The following SPOCK2 variants were observed in gnomAD, a reference collection of about 807,000 sequenced individuals.
SPOCK2 encodes SPARC (osteonectin), cwcv and kazal like domains proteoglycan 2, also known as testican-2.
A neutral mutation model predicts 60.1 loss-of-function variants in SPOCK2; 39 were observed. The ratio of observed to expected loss-of-function variants is 0.65; its 90% CI spans 0.50 to 0.85. The LOEUF (loss-of-function observed/expected upper bound fraction) is 0.85. Ranked by LOEUF, SPOCK2 falls within the 40% of genes least tolerant of loss-of-function variation. The pLI, the probability that SPOCK2 is intolerant of heterozygous loss-of-function variation, is 0.00. For missense variants in SPOCK2, 523 were observed against 567.4 expected (o/e 0.92, Z 0.80); for synonymous variants, 217 against 231.5 (o/e 0.94, Z 0.57).
In SPOCK2 at chr10:72,088,442, T is replaced by G. The variant is rs1840896756; in HGVS notation, c.-114A>C. The G allele has an allele frequency of 1.6e-6, 2 of 1,274,234 alleles. No individual in the cohort carries two copies. The highest frequency in any genetic ancestry group is 2.1e-6 in the Non-Finnish European group (2 of 956,406). The allele number at this position is 1,274,234 out of a possible 1,614,324, so 78.9% of individuals were successfully genotyped here. On this transcript the variant is annotated 5_prime_UTR_variant, in exon 1 of 11. Transcript: ENST00000373109. ...GCTGTCCTCAGCTCTCCTCCCGCGG[T>G]CTGCCTCCGGTGACTGGCGGAGAGT...
chr10:72,076,844 C>G (rs1367751838), intron 1 of SPOCK2, among the ~76,000 whole-genome samples: 1 of 152,236 alleles, frequency 6.6e-6, no homozygotes, highest in Non-Finnish European at 1.5e-5. Context: ...AACGAAGGCT[C>G]AGAGAGGCAG....
At position 72,060,638 on chromosome 10, in the gene SPOCK2, G is replaced by A. The variant is rs896079; in HGVS notation, c.*2122C>T. ...CTGCCTCAGAGAGCAGAGGGCTGAT[G>A]TGGAACAGCATTTCCCTGAACTGAG... On this transcript the variant is annotated 3_prime_UTR_variant, in exon 11 of 11. Transcript: ENST00000373109. 54,560 of 152,588 alleles carry A rather than the reference G, an allele frequency of 0.36. 10,602 individuals are homozygous for A. The highest frequency in any genetic ancestry group is 0.49 in the Middle Eastern group (143 of 294). 9.5% of individuals were successfully genotyped at this position (152,588 alleles called of 1,614,324 possible). A position where few individuals can be genotyped will look rare whatever the true frequency, so the allele number is the denominator to read the frequency against.
chr10:72,063,168 T>G lies in SPOCK2; in HGVS notation c.992-6A>C. ...GCAGCTCGGGATGAAGATGCCTGAA[T>G]GAGACAGTGCCAGGCAGGGTCAGAG... On this transcript the variant is annotated splice_region_variant and splice_polypyrimidine_tract_variant and intron_variant, in intron 9 of 10. Coordinates refer to ENST00000373109, the MANE Select transcript of SPOCK2 (RefSeq NM_001244950.2). 1 of 1,555,908 alleles carries G rather than the reference T, an allele frequency of 6.4e-7. No homozygotes were observed. Among genetic ancestry groups the G allele is most frequent in the Non-Finnish European group, 8.7e-7 (1 of 1,149,360 alleles).
intron 5 of SPOCK2, 150 bp downstream of exon 5, chr10:72,070,162 T>C (rs577044041): frequency 3.0e-6 from 2 of 675,288 alleles, no homozygotes; most frequent in Non-Finnish European, 4.9e-6. Context: ...GGCCCCAGTA[T>C]GGCTGGCTGC....
At chr10:72,071,853 T>C (rs1389649994) in intron 4 of SPOCK2, among the ~76,000 whole-genome samples, 1 of 137,942 alleles carries the variant, frequency 7.2e-6, no homozygotes. Context: ...AGCATAAGAG[T>C]GAGCTTAGAA....
rs1201750584 is a variant in SPOCK2 at position 72,087,939 on chromosome 10, C to T, written c.189+201G>A. The stretch of plus-strand genomic sequence containing the variant: ...CTGGGGGTCCCGGGGCTGGGGGGTC[C>T]CAGGGCCGCCGGCCCGGGCCGCAGG... On this transcript the variant is annotated intron_variant, in intron 1 of 10. Transcript: ENST00000373109. The surrounding 1 kb of genome is among the most constrained non-coding windows in gnomAD (Gnocchi z 4.7). Among the ~76,000 whole-genome samples the T allele has an allele frequency of 6.6e-6, 1 of 151,284 alleles. No individual in the cohort carries two copies. Among genetic ancestry groups the T allele is most frequent in the African/African-American group, 2.4e-5 (1 of 41,204 alleles).
chr10:72,082,947 C>G (rs1295504253), intron 1 of SPOCK2, among the ~76,000 whole-genome samples: 1 of 133,274 alleles, frequency 7.5e-6, no homozygotes, highest in Non-Finnish European at 1.6e-5. Context: ...GAAGAGGGCC[C>G]TCATCAAACA....
intron 1 of SPOCK2, among the ~76,000 whole-genome samples, chr10:72,082,853 CAAAAAAAAAAA>C (rs770751183): frequency 4.3e-5 from 2 of 46,014 alleles, no homozygotes; most frequent in Admixed American, 5.2e-4. Flanking sequence ...GACCCTGTCT[CAAAAAAAAAAA>C]AAAAAAAAAA....
At chr10:72,086,487 C>T (rs1840856109) in intron 1 of SPOCK2, 10 of 1,066,432 alleles carry the variant, frequency 9.4e-6, no homozygotes, top group South Asian at 2.7e-5. Context: ...AAACAGCCAG[C>T]GAGTCGGAGG....
In SPOCK2 at chr10:72,062,898, G is replaced by A. The variant is rs372959015; in HGVS notation, c.1137C>T (p.Ile379=). Residue 379 remains isoleucine (I), a synonymous_variant, in exon 11 of 11, where the codon ATC becomes ATT. Transcript: ENST00000373109. The surrounding 1 kb of genome is among the most constrained non-coding windows in gnomAD (Gnocchi z 4.3). ...RTHGSPDCDD[I]VGFSGDFGSG... Reference sequence around the variant, plus strand: ...TTCCAAAGTCCCCCGAGAAGCCCACGATGTCATCTGTGAGGGGATCAAGCC... The same window carrying A: ...TTCCAAAGTCCCCCGAGAAGCCCACAATGTCATCTGTGAGGGGATCAAGCC... 34 of 1,597,598 alleles carry A rather than the reference G, an allele frequency of 2.1e-5. No homozygotes were observed. Among genetic ancestry groups the A allele is most frequent in the African/African-American group, 5.4e-5 (4 of 74,516 alleles).
intron 8 of SPOCK2, among the ~76,000 whole-genome samples, chr10:72,064,737 A>T (rs986387993): frequency 3.3e-5 from 5 of 151,790 alleles, no homozygotes; most frequent in African/African-American, 9.7e-5. Flanking sequence ...TTTTTTATTT[A>T]TTTATTTTTT....
intron 7 of SPOCK2, among the ~76,000 whole-genome samples, chr10:72,067,390 A>G (rs182136213): frequency 5.5e-4 from 84 of 152,310 alleles, no homozygotes; most frequent in African/African-American, 1.9e-3. Context: ...GTCAGGGTTT[A>G]AGCTCCCTCC....
chr10:72,086,123 G>A, intron 1 of SPOCK2: 2 of 909,074 alleles, frequency 2.2e-6, no homozygotes, highest in Non-Finnish European at 2.6e-6. Flanking sequence ...TACCTTAAAT[G>A]GGGTTTTAGA....
At chr10:72,080,019 C>T (rs924933834) in intron 1 of SPOCK2, among the ~76,000 whole-genome samples, 6 of 152,140 alleles carry the variant, frequency 3.9e-5, no homozygotes, top group South Asian at 2.1e-4. Context: ...AAGCTCCATA[C>T]TTTCAAAAGA....
intron 1 of SPOCK2, among the ~76,000 whole-genome samples, chr10:72,077,896 C>A (rs776999991): frequency 6.6e-6 from 1 of 152,152 alleles, no homozygotes; most frequent in East Asian, 1.9e-4. Context: ...CACCCCAACC[C>A]GAAAAACTGC....
rs544144961 is a variant in SPOCK2, at chr10:72,087,454, G to T, written c.189+686C>A. ...GAGCTGCTCCCCTCGCTCCAGGCTG[G>T]ATTCCCCCCTGAAATGTTGGTCCGG... On this transcript the variant is annotated intron_variant, in intron 1 of 10. Coordinates refer to ENST00000373109, the MANE Select transcript of SPOCK2 (RefSeq NM_001244950.2). The surrounding 1 kb of genome is among the most constrained non-coding windows in gnomAD (Gnocchi z 4.7). 2.1e-3 allele frequency among the ~76,000 whole-genome samples: 326 copies of T among 152,266 alleles called. 2 individuals carry two copies. Among genetic ancestry groups the T allele is most frequent in the African/African-American group, 7.3e-3 (302 of 41,564 alleles).
upstream of SPOCK2, chr10:72,088,621 TA>T (rs34679894): frequency 0.15 from 27,894 of 181,688 alleles, 1,097 homozygotes; most frequent in African/African-American, 0.21. Flanking sequence ...ATACCTGGTT[TA>T]AAAAAAAAAA....
In SPOCK2 at chr10:72,088,298, G is replaced by C. The variant is rs1422206162; in HGVS notation, c.31C>G (p.Leu11Val). The change falls in exon 1 of 11, where the codon CTG (leucine) becomes GTG (valine). Residue 11 changes from leucine to valine, a missense_variant. Coordinates refer to ENST00000373109, the MANE Select transcript of SPOCK2 (RefSeq NM_001244950.2). Reference sequence around the variant, plus strand: ...GCCGCGGCCAGGAGCAGCAGCGGCAGCACCAGCCGCCCGCAGCCCGGGGCG... The same window carrying C: ...GCCGCGGCCAGGAGCAGCAGCGGCACCACCAGCCGCCCGCAGCCCGGGGCG... MRAPGCGRLV[L>V]PLLLLAAAAL... The C allele has an allele frequency of 6.3e-7, 1 of 1,593,014 alleles. No individual in the cohort carries two copies. Among genetic ancestry groups the C allele is most frequent in the Admixed American group, 1.8e-5 (1 of 56,438 alleles).
chr10:72,083,643 C>T (rs528692559), intron 1 of SPOCK2, among the ~76,000 whole-genome samples: 1 of 152,346 alleles, frequency 6.6e-6, no homozygotes, highest in South Asian at 2.1e-4. Context: ...TTCTCTCCCT[C>T]TCTTCCCAGG....
Sources: allele counts gnomAD v4.1 joint callset (sites outside exome capture counted in the v4.1 genomes callset), GRCh38; gene constraint gnomAD v4.1.1; non-coding constraint Gnocchi (gnomAD v3.1); transcripts MANE v1.5; gene names NCBI Gene and HGNC (gene_info 2026-07-23, HGNC 2026-07-21).